Variants in VPS41 observed in about 807,000 individuals in gnomAD.
VPS41 encodes VPS41 subunit of HOPS complex.
VPS41 carries 85 observed loss-of-function variants against 130.9 expected under a neutral mutation model. The observed-to-expected ratio is 0.65, with a 90% CI of 0.55 to 0.78. VPS41 has a LOEUF of 0.78. Among genes scored for constraint, VPS41 ranks in the 30% least tolerant of loss-of-function variants. VPS41 has a pLI of 0.00. For missense variants in VPS41, 874 were observed against 1,018.7 expected (o/e 0.86, Z 1.93); for synonymous variants, 335 against 332.9 (o/e 1.01, Z -0.07).
Position 38,754,697 on chromosome 7 carries a change from C to T in VPS41, c.1788+5G>A. The T allele has an allele frequency of 6.2e-7, 1 of 1,612,944 alleles. No homozygotes were observed. Among genetic ancestry groups the T allele is most frequent in the Non-Finnish European group, 8.5e-7 (1 of 1,179,174 alleles). ...AGGGCAAAAGGAGGAGACTGCCATG[C>T]TCACCACATGCTGTAGCTCTGGTCT... On this transcript the variant is annotated splice_donor_5th_base_variant and intron_variant, in intron 21 of 28. Coordinates refer to ENST00000310301, the MANE Select transcript of VPS41 (RefSeq NM_014396.4).
chr7:38,825,635 C>CT (rs1483126497), intron 5 of VPS41, among the ~76,000 whole-genome samples: 1 of 151,492 alleles, frequency 6.6e-6, no homozygotes, highest in African/African-American at 2.4e-5. Flanking sequence ...CCTGAACCTG[C>CT]TAAAAAAAAA....
rs554779692 is a variant in VPS41 at position 38,792,865 on chromosome 7, C to G, written c.717+2600G>C. Among the ~76,000 whole-genome samples, 122 of 152,216 alleles carry G rather than the reference C, an allele frequency of 8.0e-4. 1 individual carries two copies. Among genetic ancestry groups the G allele is most frequent in the African/African-American group, 2.8e-3 (116 of 41,528 alleles). On this transcript the variant is annotated intron_variant, in intron 9 of 28. Transcript: ENST00000310301. Reference sequence around the variant, plus strand: ...CCCTCTCCTCCACATCTGCTCCACTCACTCTGACACAAACAGCTTCCTTGC... The same window carrying G: ...CCCTCTCCTCCACATCTGCTCCACTGACTCTGACACAAACAGCTTCCTTGC...
intron 1 of VPS41, among the ~76,000 whole-genome samples, chr7:38,906,476 C>T (rs1490992553): frequency 6.6e-6 from 1 of 152,074 alleles, no homozygotes; most frequent in Non-Finnish European, 1.5e-5. Flanking sequence ...TCCCGAGTAG[C>T]TGGGACTACA....
At chr7:38,897,710 G>A (rs1433148838) in intron 2 of VPS41, among the ~76,000 whole-genome samples, 1 of 150,986 alleles carries the variant, frequency 6.6e-6, no homozygotes, top group African/African-American at 2.4e-5. Flanking sequence ...CAACAAACAT[G>A]TCACATTCAT....
intron 27 of VPS41, 188 bp from the exon 28 acceptor site, chr7:38,727,176 T>G: frequency 2.3e-6 from 1 of 434,048 alleles, no homozygotes; most frequent in Non-Finnish European, 4.0e-6. Context: ...TATAATCATG[T>G]TGCTATGCGA....
chr7:38,770,488 C>T (rs2115834933), intron 14 of VPS41, among the ~76,000 whole-genome samples: 1 of 150,690 alleles, frequency 6.6e-6, no homozygotes, highest in South Asian at 2.1e-4. Context: ...AATTATTTTG[C>T]TTCTGCACTC....
chr7:38,785,799 T>C (rs1784427537), intron 10 of VPS41, among the ~76,000 whole-genome samples: 1 of 152,214 alleles, frequency 6.6e-6, no homozygotes. Context: ...TTTGGTTCCC[T>C]TTCCTTAGAA....
At chr7:38,755,049 A>G (rs1214974007) in intron 19 of VPS41, 113 bp from the exon 20 acceptor site, 1 of 904,370 alleles carries the variant, frequency 1.1e-6, no homozygotes, top group Non-Finnish European at 1.7e-6. Flanking sequence ...TATTTTGTAT[A>G]CTTAAGGAGG....
chr7:38,733,317 A>G (rs1188734024), intron 25 of VPS41, among the ~76,000 whole-genome samples: 1 of 152,214 alleles, frequency 6.6e-6, no homozygotes, highest in Non-Finnish European at 1.5e-5. Context: ...GTTTTCGAAG[A>G]TATTGATATA....
At chr7:38,865,365 G>C (rs907015249) in intron 3 of VPS41, among the ~76,000 whole-genome samples, 5 of 152,008 alleles carry the variant, frequency 3.3e-5, no homozygotes, top group African/African-American at 1.2e-4. Flanking sequence ...TGTTAATGAA[G>C]TTTGACCTCT....
Position 38,728,550 on chromosome 7 carries a change from A to G in VPS41, c.2396T>C (p.Leu799Pro), listed in dbSNP as rs1164224720. The G allele has an allele frequency of 2.5e-6, 4 of 1,614,044 alleles. No individual in the cohort carries two copies. In the East Asian group the frequency reaches 8.9e-5, roughly 36 times the overall value. ...NICESCLSPI[L>P]PSDAAKPFSV... ...GGGGAAAACCTTCTTACCTGATGGA[A>G]GAATAGGGGAAAGGCACGACTCACA... The change falls in exon 27 of 29, where the codon CTT becomes CCT. Residue 799 changes from leucine to proline, a missense_variant. Coordinates refer to ENST00000310301, the MANE Select transcript of VPS41 (RefSeq NM_014396.4).
intron 2 of VPS41, among the ~76,000 whole-genome samples, chr7:38,880,149 A>G (rs1786574154): frequency 6.6e-6 from 1 of 152,106 alleles, no homozygotes; most frequent in Admixed American, 6.5e-5. Context: ...ATCTGGTAAT[A>G]CCCAGTGAAT....
At chr7:38,861,302 T>G (rs1051165914) in intron 4 of VPS41, among the ~76,000 whole-genome samples, 2 of 151,962 alleles carry the variant, frequency 1.3e-5, no homozygotes, top group African/African-American at 2.4e-5. Context: ...AACCACACAG[T>G]CAATCTTTTT....
At chr7:38,821,146 C>A in intron 6 of VPS41, 57 bp downstream of exon 6, 1 of 1,279,708 alleles carries the variant, frequency 7.8e-7, no homozygotes, top group South Asian at 1.2e-5. Flanking sequence ...TTACTGTAAT[C>A]CATATTGCCT....
intron 4 of VPS41, among the ~76,000 whole-genome samples, chr7:38,834,752 G>C (rs998651372): frequency 1.3e-5 from 2 of 151,566 alleles, no homozygotes; most frequent in Non-Finnish European, 1.5e-5. Flanking sequence ...TCTTTAATGG[G>C]TTATTTCTTA....
At chr7:38,889,795 T>C (rs1361447132) in intron 2 of VPS41, among the ~76,000 whole-genome samples, 1 of 152,138 alleles carries the variant, frequency 6.6e-6, no homozygotes, top group African/African-American at 2.4e-5. Flanking sequence ...GGGGTAAATA[T>C]AATAGATTAT....
chr7:38,877,639 G>T (rs374531131), intron 2 of VPS41, among the ~76,000 whole-genome samples: 24 of 152,100 alleles, frequency 1.6e-4, no homozygotes, highest in African/African-American at 5.8e-4. Context: ...CAAGTGCAAA[G>T]AAGCAACTTG....
intron 3 of VPS41, 102 bp from the exon 4 acceptor site, chr7:38,862,724 G>T: frequency 1.5e-6 from 1 of 664,600 alleles, no homozygotes. Context: ...ATGCATAAAT[G>T]ATCTGCAATG....
intron 7 of VPS41, among the ~76,000 whole-genome samples, chr7:38,807,864 C>T (rs1442682090): frequency 6.6e-6 from 1 of 152,190 alleles, no homozygotes; most frequent in African/African-American, 2.4e-5. Context: ...CTGGCAATGA[C>T]ACTTGCAGTC....
Sources: allele counts gnomAD v4.1 joint callset (sites outside exome capture counted in the v4.1 genomes callset), GRCh38; gene constraint gnomAD v4.1.1; transcripts MANE v1.5; gene names NCBI Gene and HGNC (gene_info 2026-07-23, HGNC 2026-07-21).